Variants in FLRT2 observed in about 807,000 individuals in gnomAD.
FLRT2 encodes the protein leucine-rich repeat transmembrane protein FLRT2.
In FLRT2, 15 loss-of-function variants were observed where a neutral mutation model predicts 40.0. That is an observed-to-expected ratio of 0.38 (90% CI 0.25 to 0.58). The LOEUF (loss-of-function observed/expected upper bound fraction) is 0.58, where lower values mean the gene tolerates loss of function less well. Ranked by LOEUF, FLRT2 falls within the 20% of genes least tolerant of loss-of-function variation. FLRT2 has a pLI of 0.71. For synonymous variants in FLRT2, 380 were observed against 336.8 expected (o/e 1.13, Z -1.41); for missense variants, 726 against 840.0 (o/e 0.86, Z 1.68).
intron 1 of FLRT2, among the ~76,000 whole-genome samples, chr14:85,540,715 T>C (rs1260287363): frequency 1.0e-5 from 1 of 96,576 alleles, no homozygotes; most frequent in Non-Finnish European, 2.1e-5. Flanking sequence ...CACTTGCTTT[T>C]TTAATGTTTT....
At chr14:85,586,127 AAT>A (rs992208172) in intron 1 of FLRT2, among the ~76,000 whole-genome samples, 1 of 148,378 alleles carries the variant, frequency 6.7e-6, no homozygotes, top group Non-Finnish European at 1.5e-5. Flanking sequence ...GTGTTTATAT[AAT>A]ATATATAATA....
rs1017588700 is a variant in FLRT2, at chr14:85,623,553, G to A, written c.*56G>A. 6.0e-6 allele frequency: 8 copies of A among 1,329,910 alleles called. No individual in the cohort carries two copies. The Middle Eastern group carries it at 8.1e-4, about 134-fold the overall frequency. 82.4% of individuals were successfully genotyped at this position (1,329,910 alleles called of 1,614,324 possible). On this transcript the variant is annotated 3_prime_UTR_variant, in exon 2 of 2. Transcript: ENST00000330753. ...CAATTAGACTCTTGAGAACACACTCGTGTGTGCACATAAAGACACGCAGAT... is the reference window on the plus strand; with the variant it reads ...CAATTAGACTCTTGAGAACACACTCATGTGTGCACATAAAGACACGCAGAT...
intron 1 of FLRT2, among the ~76,000 whole-genome samples, chr14:85,567,686 G>A (rs1236885958): frequency 7.2e-6 from 1 of 139,164 alleles, no homozygotes; most frequent in African/African-American, 2.7e-5. Context: ...TGTCACCCAG[G>A]CTGGAGTGCA....
Position 85,624,573 on chromosome 14 carries a change from C to T in FLRT2, c.*1076C>T, listed in dbSNP as rs972168206. 1.2e-5 allele frequency: 2 copies of T among 166,932 alleles called. No individual in the cohort carries two copies. The highest frequency in any genetic ancestry group is 4.8e-5 in the African/African-American group (2 of 41,414). The allele number at this position is 166,932 out of a possible 1,614,324, so 10.3% of individuals were successfully genotyped here. On this transcript the variant is annotated 3_prime_UTR_variant, in exon 2 of 2. Transcript: ENST00000330753. ...TCAGTGGTTCTGTTATGTCAGCTGA[C>T]TTTGTTAGTATCATGTTGAAATAGC...
At chr14:85,613,864 T>A (rs1474145272) in intron 1 of FLRT2, among the ~76,000 whole-genome samples, 2 of 152,160 alleles carry the variant, frequency 1.3e-5, no homozygotes, top group African/African-American at 4.8e-5. Context: ...TCAGGATTGA[T>A]GGAAGGAAGA....
At chr14:85,578,029 A>G (rs1219823210) in intron 1 of FLRT2, among the ~76,000 whole-genome samples, 2 of 151,072 alleles carry the variant, frequency 1.3e-5, no homozygotes, top group Non-Finnish European at 2.9e-5. Context: ...CAATGTTTCT[A>G]ATGTTGCATC....
chr14:85,544,343 C>T (rs531866383), intron 1 of FLRT2, among the ~76,000 whole-genome samples: 268 of 152,234 alleles, frequency 1.8e-3, no homozygotes, highest in African/African-American at 6.1e-3. Context: ...GTAAAACTAT[C>T]GGTTACGTAG....
intron 1 of FLRT2, among the ~76,000 whole-genome samples, chr14:85,600,415 T>C (rs1200298467): frequency 1.3e-5 from 2 of 152,130 alleles, no homozygotes; most frequent in Non-Finnish European, 2.9e-5. Flanking sequence ...ATTTAATCTG[T>C]GTACTGAGGA....
chr14:85,609,808 C>A (rs150296397), intron 1 of FLRT2, among the ~76,000 whole-genome samples: 41 of 152,304 alleles, frequency 2.7e-4, no homozygotes, highest in African/African-American at 9.9e-4. Flanking sequence ...CTTCTAGAAA[C>A]GTGTCAAACT....
At chr14:85,611,528 A>G (rs1374134711) in intron 1 of FLRT2, among the ~76,000 whole-genome samples, 1 of 152,164 alleles carries the variant, frequency 6.6e-6, no homozygotes, top group East Asian at 1.9e-4. Context: ...GCCCACTCAC[A>G]TGTCTTTTTC....
rs1483711930 is a variant in FLRT2 at position 85,625,796 on chromosome 14, T to C, written c.*2299T>C. On this transcript the variant is annotated 3_prime_UTR_variant, in exon 2 of 2. Transcript: ENST00000330753. ...ATAAAATTGTGCATTCAAATGATGG[T>C]ACTTTGACTTTTGAGGGTTTTTATT... 1 of 167,036 alleles carries C rather than the reference T, an allele frequency of 6.0e-6. No homozygotes were observed. 10.3% of individuals were successfully genotyped at this position (167,036 alleles called of 1,614,324 possible).
chr14:85,584,889 G>A (rs560083542), intron 1 of FLRT2, among the ~76,000 whole-genome samples: 137 of 150,950 alleles, frequency 9.1e-4, no homozygotes, highest in African/African-American at 3.0e-3. Context: ...TTGCAAATGG[G>A]GCCGTATCCA....
At chr14:85,559,348 T>G (rs1479678365) in intron 1 of FLRT2, 1 of 152,192 alleles carries the variant, frequency 6.6e-6, no homozygotes, top group African/African-American at 2.4e-5. Context: ...ATGGATGAAC[T>G]TTGAGCTGGT....
rs1395382296 is a variant in FLRT2 at position 85,623,467 on chromosome 14, C to T, written c.1953C>T (p.Ser651=). The change falls in exon 2 of 2, where the codon AGC becomes AGT. Residue 651 remains serine (S), a synonymous_variant. Transcript: ENST00000330753. The stretch of plus-strand genomic sequence containing the variant: ...ACAACATGCGATACTGCAACAGCAG[C>T]GTGCCAGACCTGGAGCACTGCCATA... ...IPNNMRYCNS[S]VPDLEHCHT is the part of the protein sequence containing the mutation. 4 of 1,454,482 alleles carry T rather than the reference C, an allele frequency of 2.8e-6. No individual in the cohort carries two copies. In the African/African-American group the frequency reaches 4.3e-5, roughly 15 times the overall value. The allele number at this position is 1,454,482 out of a possible 1,614,324, so 90.1% of individuals were successfully genotyped here.
chr14:85,537,138 G>A (rs1381172144), intron 1 of FLRT2, among the ~76,000 whole-genome samples: 1 of 152,160 alleles, frequency 6.6e-6, no homozygotes, highest in Non-Finnish European at 1.5e-5. Flanking sequence ...TTTATAAACA[G>A]ATGGTCCTTT....
chr14:85,578,906 A>T (rs1211458832), intron 1 of FLRT2, among the ~76,000 whole-genome samples: 1 of 152,212 alleles, frequency 6.6e-6, no homozygotes, highest in African/African-American at 2.4e-5. Context: ...CAAAGGCTGG[A>T]GATGTCTTGC....
rs1475222181 is a variant in FLRT2, at chr14:85,650,768, C to G, written c.*27271C>G. ...GTTCATGATTTTCTTCATTTTTTCT[C>G]TTACTGGTTCATATTCTCTATACAT... On this transcript the variant is annotated 3_prime_UTR_variant, in exon 2 of 2. Transcript: ENST00000330753. 6.8e-6 allele frequency: 1 copy of G among 146,394 alleles called. No homozygotes were observed. The highest frequency in any genetic ancestry group is 6.8e-5 in the Admixed American group (1 of 14,656). 9.1% of individuals were successfully genotyped at this position (146,394 alleles called of 1,614,324 possible).
At chr14:85,578,041 A>G (rs1293501572) in intron 1 of FLRT2, among the ~76,000 whole-genome samples, 2 of 150,674 alleles carry the variant, frequency 1.3e-5, no homozygotes, top group Admixed American at 6.6e-5. Flanking sequence ...TGTTGCATCC[A>G]CTGCCACCTT....
intron 1 of FLRT2, among the ~76,000 whole-genome samples, chr14:85,603,289 C>A (rs938458035): frequency 6.6e-6 from 1 of 151,966 alleles, no homozygotes; most frequent in Non-Finnish European, 1.5e-5. Context: ...GATAGAGGCC[C>A]CTTTGTGTCT....
Sources: allele counts gnomAD v4.1 joint callset (sites outside exome capture counted in the v4.1 genomes callset), GRCh38; gene constraint gnomAD v4.1.1; transcripts MANE v1.5; gene names NCBI Gene and HGNC (gene_info 2026-07-23, HGNC 2026-07-21).